EXT1: variants seen among roughly 807,000 people sequenced by gnomAD.
EXT1 encodes exostosin glycosyltransferase 1.
EXT1 carries 20 observed loss-of-function variants against 82.5 expected under a neutral mutation model. That is an observed-to-expected ratio of 0.24 (90% CI 0.17 to 0.35). The LOEUF (loss-of-function observed/expected upper bound fraction) is 0.35. Ranked by LOEUF, EXT1 falls within the 10% of genes least tolerant of loss-of-function variation. EXT1 has a pLI of 1.00. For synonymous variants in EXT1, 348 were observed against 350.8 expected (o/e 0.99, Z 0.09); for missense variants, 757 against 936.5 (o/e 0.81, Z 2.50).
At chr8:117,838,557 T>C (rs1455416338) in intron 1 of EXT1, among the ~76,000 whole-genome samples, 1 of 152,076 alleles carries the variant, frequency 6.6e-6, no homozygotes, top group East Asian at 1.9e-4. Context: ...AAAAATTTTC[T>C]AAAACCCTTG....
intron 1 of EXT1, among the ~76,000 whole-genome samples, chr8:117,974,560 C>G (rs970972686): frequency 2.9e-4 from 44 of 152,128 alleles, no homozygotes; most frequent in African/African-American, 9.7e-4. Context: ...CTTGACCTCT[C>G]CAGCTCAATC....
intron 1 of EXT1, among the ~76,000 whole-genome samples, chr8:117,864,598 A>C (rs1482111525): frequency 6.6e-6 from 1 of 152,070 alleles, no homozygotes; most frequent in Admixed American, 6.6e-5. Flanking sequence ...AAATACAAAA[A>C]ATTAGCGGGG....
At chr8:118,101,052 C>T (rs953932648) in intron 1 of EXT1, among the ~76,000 whole-genome samples, 24 of 152,156 alleles carry the variant, frequency 1.6e-4, no homozygotes, top group African/African-American at 5.5e-4. Flanking sequence ...CTAAATGAAC[C>T]TCTGTTGTTG....
At chr8:118,050,123 TAGAG>T (rs1185198563) in intron 1 of EXT1, among the ~76,000 whole-genome samples, 1 of 151,702 alleles carries the variant, frequency 6.6e-6, no homozygotes, top group African/African-American at 2.4e-5. Flanking sequence ...TAAAGGAAGG[TAGAG>T]AGAGAGAGAC....
chr8:118,041,258 T>C (rs1195615654), intron 1 of EXT1, among the ~76,000 whole-genome samples: 1 of 152,186 alleles, frequency 6.6e-6, no homozygotes, highest in Non-Finnish European at 1.5e-5. Flanking sequence ...GCAGAGATGG[T>C]GCAGGGTAAC....
intron 1 of EXT1, among the ~76,000 whole-genome samples, chr8:117,968,496 T>C (rs1253241410): frequency 1.3e-5 from 2 of 151,786 alleles, no homozygotes; most frequent in Non-Finnish European, 2.9e-5. Flanking sequence ...CCACAAAGTC[T>C]GTGCTCTAAT....
intron 1 of EXT1, among the ~76,000 whole-genome samples, chr8:117,978,388 T>A (rs1815112286): frequency 6.6e-6 from 1 of 152,172 alleles, no homozygotes; most frequent in Non-Finnish European, 1.5e-5. Context: ...TTTCTCCCCA[T>A]CCTCCATCTG....
At chr8:117,813,477 T>C (rs1823367390) in intron 7 of EXT1, among the ~76,000 whole-genome samples, 1 of 148,386 alleles carries the variant, frequency 6.7e-6, no homozygotes, top group South Asian at 2.1e-4. Flanking sequence ...CACCCACTCT[T>C]CCCAACCGAA....
At chr8:118,102,558 T>A (rs956383773) in intron 1 of EXT1, among the ~76,000 whole-genome samples, 9 of 152,204 alleles carry the variant, frequency 5.9e-5, no homozygotes, top group Admixed American at 1.3e-4. Context: ...AATACATAAG[T>A]GTCTGGCACA....
chr8:117,902,578 T>C (rs1489333630), intron 1 of EXT1, among the ~76,000 whole-genome samples: 2 of 135,802 alleles, frequency 1.5e-5, no homozygotes, highest in East Asian at 2.3e-4. Context: ...TGGCCATGCA[T>C]TGTTATAATT....
At chr8:117,866,210 G>A (rs1421954559) in intron 1 of EXT1, among the ~76,000 whole-genome samples, 1 of 152,208 alleles carries the variant, frequency 6.6e-6, no homozygotes, top group Non-Finnish European at 1.5e-5. Flanking sequence ...GGGCGACACA[G>A]TGAGACTCAG....
At chr8:117,989,625 C>G (rs74653851) in intron 1 of EXT1, among the ~76,000 whole-genome samples, 157 of 152,290 alleles carry the variant, frequency 1.0e-3, no homozygotes, top group Admixed American at 3.5e-3. Context: ...CCAAGTCATA[C>G]TGGTATCTTA....
At chr8:117,932,687 G>A (rs4876774) in intron 1 of EXT1, among the ~76,000 whole-genome samples, 83,991 of 152,046 alleles carry the variant, frequency 0.55, 26,094 homozygotes, top group Middle Eastern at 0.76. Flanking sequence ...GACAATTATA[G>A]GAACATACCT....
intron 1 of EXT1, among the ~76,000 whole-genome samples, chr8:118,108,489 A>G (rs1465266013): frequency 1.3e-5 from 2 of 152,260 alleles, no homozygotes. Flanking sequence ...AAAGCAGTTC[A>G]TTACTAACCA....
At chr8:118,065,421 G>GCAAAA (rs1047085217) in intron 1 of EXT1, among the ~76,000 whole-genome samples, 4 of 152,090 alleles carry the variant, frequency 2.6e-5, no homozygotes. Context: ...CTAAACTGTG[G>GCAAAA]CAAAACAAAA....
At chr8:117,999,340 T>C (rs937390574) in intron 1 of EXT1, among the ~76,000 whole-genome samples, 21 of 152,220 alleles carry the variant, frequency 1.4e-4, no homozygotes, top group Non-Finnish European at 2.5e-4. Flanking sequence ...CCAATCATTA[T>C]AGAGACTAGA....
At chr8:117,835,057 C>T (rs1446201131) in intron 3 of EXT1, among the ~76,000 whole-genome samples, 2 of 152,184 alleles carry the variant, frequency 1.3e-5, no homozygotes, top group African/African-American at 2.4e-5. Context: ...CCCTAGAGAC[C>T]TCTCTCTTTC....
At chr8:118,072,335 T>A (rs1014457862) in intron 1 of EXT1, among the ~76,000 whole-genome samples, 2 of 152,172 alleles carry the variant, frequency 1.3e-5, no homozygotes, top group African/African-American at 4.8e-5. Context: ...CCATTCTGAT[T>A]TAGGAAACTG....
At chr8:118,096,889 C>CT (rs1173519125) in intron 1 of EXT1, among the ~76,000 whole-genome samples, 1 of 152,194 alleles carries the variant, frequency 6.6e-6, no homozygotes, top group Admixed American at 6.5e-5. Flanking sequence ...AGACTCCATA[C>CT]TTTGAATATA....
Sources: allele counts gnomAD v4.1 joint callset (sites outside exome capture counted in the v4.1 genomes callset), GRCh38; gene constraint gnomAD v4.1.1; transcripts MANE v1.5; gene names NCBI Gene and HGNC (gene_info 2026-07-23, HGNC 2026-07-21).